EML6: variants seen among roughly 807,000 people sequenced by gnomAD.
EML6 encodes EMAP like 6, also known as echinoderm microtubule-associated protein-like 6.
In EML6, 154 loss-of-function variants were observed where a neutral mutation model predicts 240.1. The ratio of observed to expected loss-of-function variants is 0.64; its 90% CI spans 0.56 to 0.73. The LOEUF (loss-of-function observed/expected upper bound fraction) is 0.73, where lower values mean the gene tolerates loss of function less well. Ranked by LOEUF, EML6 falls within the 30% of genes least tolerant of loss-of-function variation. The pLI, the probability that EML6 is intolerant of heterozygous loss-of-function variation, is 0.00. For missense variants in EML6, 2,964 were observed against 2,474.6 expected, an observed-to-expected ratio of 1.20 and a Z score of -4.20; for synonymous variants, 1,148 against 899.0, an observed-to-expected ratio of 1.28 and a Z score of -4.95.
intron 29 of EML6, among the ~76,000 whole-genome samples, chr2:54,950,065 C>G (rs774381896): frequency 6.6e-5 from 10 of 152,214 alleles, no homozygotes; most frequent in Non-Finnish European, 1.3e-4. Context: ...AAGAACTGAT[C>G]TGAATCAGCC....
At chr2:54,836,192 A>G (rs745859098) in intron 7 of EML6, among the ~76,000 whole-genome samples, 2 of 152,122 alleles carry the variant, frequency 1.3e-5, no homozygotes, top group African/African-American at 2.4e-5. Context: ...CGTGTGTGAC[A>G]TGGTGTCAGA....
chr2:54,836,054 T>A (rs1381538730), intron 7 of EML6, among the ~76,000 whole-genome samples: 1 of 152,186 alleles, frequency 6.6e-6, no homozygotes, highest in Non-Finnish European at 1.5e-5. Context: ...CCACCATTTT[T>A]CTCTGGGCTT....
chr2:54,818,356 CA>C (rs1668171834), intron 4 of EML6, among the ~76,000 whole-genome samples: 1 of 152,154 alleles, frequency 6.6e-6, no homozygotes, highest in Non-Finnish European at 1.5e-5. Flanking sequence ...GCTAAGTGAC[CA>C]AACTGAAAAT....
chr2:54,908,761 C>G (rs1046032438), intron 24 of EML6, among the ~76,000 whole-genome samples: 1 of 152,152 alleles, frequency 6.6e-6, no homozygotes. Context: ...CACATCTCAT[C>G]CCTGTAGGCA....
At chr2:54,863,001 G>C (rs1190186145) in intron 12 of EML6, among the ~76,000 whole-genome samples, 1 of 152,232 alleles carries the variant, frequency 6.6e-6, no homozygotes, top group Non-Finnish European at 1.5e-5. Flanking sequence ...TCAAGCAGTG[G>C]TTCACGGTTG....
chr2:54,938,333 A>G (rs961844662), intron 28 of EML6, among the ~76,000 whole-genome samples: 2 of 152,160 alleles, frequency 1.3e-5, no homozygotes, highest in Admixed American at 6.5e-5. Flanking sequence ...AGTTTCTGTA[A>G]TTTTAGGGTA....
At chr2:54,731,638 C>A (rs1683173166) in intron 2 of EML6, among the ~76,000 whole-genome samples, 1 of 151,944 alleles carries the variant, frequency 6.6e-6, no homozygotes, top group Non-Finnish European at 1.5e-5. Flanking sequence ...ATATATATGA[C>A]TGTGTTTTGT....
At chr2:54,809,662 T>A (rs993745163) in intron 2 of EML6, among the ~76,000 whole-genome samples, 4 of 152,190 alleles carry the variant, frequency 2.6e-5, no homozygotes, top group Non-Finnish European at 5.9e-5. Flanking sequence ...GCTTCTGAAC[T>A]AAAATTCCAA....
At chr2:54,912,549 G>T (rs945741941) in intron 25 of EML6, among the ~76,000 whole-genome samples, 1 of 152,090 alleles carries the variant, frequency 6.6e-6, no homozygotes, top group African/African-American at 2.4e-5. Context: ...TAGTGTTTCA[G>T]CCTTTGCCAC....
chr2:54,929,045 C>T (rs1421013222), intron 28 of EML6, among the ~76,000 whole-genome samples: 1 of 152,194 alleles, frequency 6.6e-6, no homozygotes, highest in Non-Finnish European at 1.5e-5. Flanking sequence ...GCTAGGGTAG[C>T]CCCAAAGCAG....
chr2:54,943,921 G>A (rs1675554161), intron 28 of EML6, among the ~76,000 whole-genome samples: 1 of 152,204 alleles, frequency 6.6e-6, no homozygotes, highest in African/African-American at 2.4e-5. Context: ...ATTGGCTACT[G>A]AATTGGACAG....
At chr2:54,822,430 T>A (rs909962842) in intron 5 of EML6, among the ~76,000 whole-genome samples, 1 of 152,174 alleles carries the variant, frequency 6.6e-6, no homozygotes, top group Non-Finnish European at 1.5e-5. Context: ...AAGAGCTGAC[T>A]CATTGCTGAG....
At chr2:54,945,079 T>TTCCTCCCTCTCTCCCTCCTCTCCCAC (rs1283473901) in intron 28 of EML6, among the ~76,000 whole-genome samples, 1 of 107,760 alleles carries the variant, frequency 9.3e-6, no homozygotes, top group African/African-American at 3.7e-5. Context: ...CCTTCTCCCA[T>TTCCTCCCTCTCTCCCTCCTCTCCCAC]TCCTCCCTCT....
chr2:54,943,910 C>T (rs1675553473), intron 28 of EML6, among the ~76,000 whole-genome samples: 1 of 152,194 alleles, frequency 6.6e-6, no homozygotes, highest in Admixed American at 6.5e-5. Context: ...CCACATGTGG[C>T]ATTGGCTACT....
intron 2 of EML6, among the ~76,000 whole-genome samples, chr2:54,744,941 C>T: frequency 6.7e-6 from 1 of 149,776 alleles, no homozygotes; most frequent in Non-Finnish European, 1.5e-5. Context: ...CACACACACA[C>T]ACACACACAC....
At chr2:54,799,502 C>T (rs556610332) in intron 2 of EML6, among the ~76,000 whole-genome samples, 59 of 151,894 alleles carry the variant, frequency 3.9e-4, no homozygotes, top group Non-Finnish European at 7.8e-4. Context: ...CCCACCACCA[C>T]GCCCAGCTAA....
At chr2:54,741,939 G>A (rs1345371834) in intron 2 of EML6, among the ~76,000 whole-genome samples, 2 of 152,156 alleles carry the variant, frequency 1.3e-5, no homozygotes, top group Non-Finnish European at 2.9e-5. Context: ...GTTGAGAAAC[G>A]TGATTTTACA....
chr2:54,774,127 C>G lies in EML6; in HGVS notation c.198-39105C>G, dbSNP rs758440187. On this transcript the variant is annotated intron_variant, in intron 2 of 41. Coordinates refer to ENST00000356458, the MANE Select transcript of EML6 (RefSeq NM_001039753.4). This position sits in a 1 kb window ranked among gnomAD's most constrained non-coding sequence, Gnocchi z 4.1. ...CAGAGCATGGTTGAATGGCCACACC[C>G]AGCAGACTCCAAGGGAAGCTAGGAA... 6.6e-6 allele frequency among the ~76,000 whole-genome samples: 1 copy of G among 152,186 alleles called. No homozygotes were observed. The highest frequency in any genetic ancestry group is 6.5e-5 in the Admixed American group (1 of 15,284).
intron 2 of EML6, among the ~76,000 whole-genome samples, chr2:54,752,337 A>G (rs555836835): frequency 6.6e-6 from 1 of 152,336 alleles, no homozygotes; most frequent in South Asian, 2.1e-4. Context: ...ATAAAAAAGT[A>G]TAAAAATTAT....
Sources: gnomAD v4.1 joint callset for allele counts (sites outside exome capture counted in the v4.1 genomes callset) on GRCh38, gnomAD v4.1.1 for gene constraint, Gnocchi (gnomAD v3.1) non-coding constraint, MANE v1.5 for transcripts, NCBI Gene and HGNC (gene_info 2026-07-23, HGNC 2026-07-21) for gene names.